LDLRAP1: variants seen among roughly 807,000 people sequenced by gnomAD.
LDLRAP1 encodes the protein low density lipoprotein receptor adaptor protein 1, also known as low density lipoprotein receptor adapter protein 1.
A neutral mutation model predicts 37.8 loss-of-function variants in LDLRAP1; 30 were observed. That is an observed-to-expected ratio of 0.79 (90% CI 0.59 to 1.08). LDLRAP1 has a LOEUF of 1.08. Ranked by LOEUF, LDLRAP1 falls within the 50% of genes least tolerant of loss-of-function variation. The pLI is 0.00. For missense variants in LDLRAP1, 375 were observed against 401.6 expected, an observed-to-expected ratio of 0.93 and a Z score of 0.57; for synonymous variants, 156 against 169.8, an observed-to-expected ratio of 0.92 and a Z score of 0.63.
intron 4 of LDLRAP1, among the ~76,000 whole-genome samples, chr1:25,560,835 C>T (rs1291664816): frequency 2.0e-5 from 3 of 152,228 alleles, no homozygotes; most frequent in African/African-American, 7.2e-5. Context: ...GGGCATCCCG[C>T]CTGGGCAGGC....
chr1:25,568,359 A>C lies in LDLRAP1; in HGVS notation c.*1367A>C, dbSNP rs2044539023. 6.6e-6 allele frequency: 1 copy of C among 152,358 alleles called. No individual in the cohort carries two copies. The highest frequency in any genetic ancestry group is 2.4e-5 in the African/African-American group (1 of 41,454). 9.4% of individuals were successfully genotyped at this position (152,358 alleles called of 1,614,324 possible). A position where few individuals can be genotyped will look rare whatever the true frequency, so the allele number is the denominator to read the frequency against. On this transcript the variant is annotated 3_prime_UTR_variant, in exon 9 of 9. Coordinates refer to ENST00000374338, the MANE Select transcript of LDLRAP1 (RefSeq NM_015627.3). ...AGACCAGCAGCAATCTGTCTTTAGA[A>C]TCGCTTTCCTTCCTCCCCTTTTGCC...
the LDLRAP1 span, among the ~76,000 whole-genome samples, chr1:25,580,376 A>G: frequency 6.6e-6 from 1 of 152,198 alleles, no homozygotes; most frequent in Non-Finnish European, 1.5e-5. Flanking sequence ...TGTCTCTAAA[A>G]CAAAAAAATT....
At chr1:25,545,723 C>T (rs1572018371) in intron 1 of LDLRAP1, among the ~76,000 whole-genome samples, 1 of 152,174 alleles carries the variant, frequency 6.6e-6, no homozygotes, top group African/African-American at 2.4e-5. Context: ...ACCTGTCCCT[C>T]GTGATGAAGT....
chr1:25,589,304 AAAAGAAAG>A, the LDLRAP1 span, among the ~76,000 whole-genome samples: 763 of 149,044 alleles, frequency 5.1e-3, 9 homozygotes, highest in African/African-American at 0.018. Context: ...ACTCCATCTC[AAAAGAAAG>A]AAAGAAAGAA....
At chr1:25,586,066 C>T in the LDLRAP1 span, among the ~76,000 whole-genome samples, 2 of 152,188 alleles carry the variant, frequency 1.3e-5, no homozygotes, top group Non-Finnish European at 2.9e-5. This position sits in a 1 kb window ranked among gnomAD's most constrained non-coding sequence, Gnocchi z 4.3. Context: ...CAGCACCAAG[C>T]CCAGGGCTGT....
At chr1:25,576,738 C>T in the LDLRAP1 span, among the ~76,000 whole-genome samples, 4 of 152,220 alleles carry the variant, frequency 2.6e-5, no homozygotes, top group African/African-American at 9.6e-5. Flanking sequence ...ACACCATCCA[C>T]TTTATCTTTC....
intron 4 of LDLRAP1, chr1:25,557,495 C>T (rs1253165096): frequency 1.4e-5 from 8 of 585,904 alleles, no homozygotes; most frequent in African/African-American, 1.1e-4. Context: ...AGTAGCTGGC[C>T]CATGTCCCCA....
chr1:25,567,120 C>A lies in LDLRAP1; in HGVS notation c.*128C>A. On this transcript the variant is annotated 3_prime_UTR_variant, in exon 9 of 9. Coordinates refer to ENST00000374338, the MANE Select transcript of LDLRAP1 (RefSeq NM_015627.3). ...CCCTCAGCATTGTCAGCCTGAAGATCAGAGCTGCAGCCAGTCAGGCAGGGG... is the reference window on the plus strand; with the variant it reads ...CCCTCAGCATTGTCAGCCTGAAGATAAGAGCTGCAGCCAGTCAGGCAGGGG... The A allele has an allele frequency of 8.5e-7, 1 of 1,176,230 alleles. No homozygotes were observed. Among genetic ancestry groups the A allele is most frequent in the Non-Finnish European group, 1.2e-6 (1 of 811,580 alleles). 72.9% of individuals were successfully genotyped at this position (1,176,230 alleles called of 1,614,324 possible).
chr1:25,553,517 T>A (rs1411585235), intron 1 of LDLRAP1: 1 of 239,324 alleles, frequency 4.2e-6, no homozygotes, highest in Non-Finnish European at 8.4e-6. Context: ...GCTGCTTACA[T>A]GGAGCCTTGG....
chr1:25,560,012 C>T (rs928526314), intron 4 of LDLRAP1, among the ~76,000 whole-genome samples: 2 of 151,340 alleles, frequency 1.3e-5, no homozygotes, highest in Non-Finnish European at 2.9e-5. Context: ...GAGACAGACA[C>T]CTTGAATGGG....
chr1:25,569,955 C>T (rs1158932824), downstream of LDLRAP1, among the ~76,000 whole-genome samples: 12 of 152,330 alleles, frequency 7.9e-5, no homozygotes, highest in Middle Eastern at 3.4e-3. Context: ...TTGACCTGTG[C>T]GGTGACCCTC....
the LDLRAP1 span, among the ~76,000 whole-genome samples, chr1:25,576,970 AAG>A: frequency 6.6e-6 from 1 of 152,132 alleles, no homozygotes; most frequent in African/African-American, 2.4e-5. Context: ...TGCTGTCTCT[AAG>A]AGCAGAGGAG....
At chr1:25,570,501 T>A (rs899334696), downstream of LDLRAP1, among the ~76,000 whole-genome samples, 1 of 152,160 alleles carries the variant, frequency 6.6e-6, no homozygotes, top group Non-Finnish European at 1.5e-5. Flanking sequence ...GGGGGCTGGC[T>A]TGGGGCCTGG....
chr1:25,590,311 G>A, the LDLRAP1 span: 1 of 152,338 alleles, frequency 6.6e-6, no homozygotes, highest in East Asian at 1.9e-4. Flanking sequence ...GTCCAGCAGA[G>A]CCAGCTCTGC....
chr1:25,589,304 A>AAGAAAGAAAG, the LDLRAP1 span, among the ~76,000 whole-genome samples: 12 of 148,930 alleles, frequency 8.1e-5, no homozygotes, highest in African/African-American at 2.8e-4. Context: ...ACTCCATCTC[A>AAGAAAGAAAG]AAAGAAAGAA....
Position 25,552,186 on chromosome 1 carries a change from C to G in LDLRAP1, c.89-1736C>G, listed in dbSNP as rs548721321. 8.5e-5 allele frequency among the ~76,000 whole-genome samples: 13 copies of G among 152,296 alleles called. No homozygotes were observed. The East Asian group carries it at 2.3e-3, about 27-fold the overall frequency. On this transcript the variant is annotated intron_variant, in intron 1 of 8. Transcript: ENST00000374338. ...CAGGGATCCAGACTGGGTAGGGGAC[C>G]TGGTGATGCCACCTGGACCCAGACT...
intron 5 of LDLRAP1, 154 bp downstream of exon 5, chr1:25,562,870 T>C: frequency 1.2e-6 from 1 of 824,136 alleles, no homozygotes; most frequent in Non-Finnish European, 2.1e-6. Context: ...GGTTTTCCCA[T>C]CTGAAAAATG....
intron 1 of LDLRAP1, among the ~76,000 whole-genome samples, chr1:25,547,489 TAAATA>T (rs2043963573): frequency 7.6e-6 from 1 of 132,420 alleles, no homozygotes; most frequent in Non-Finnish European, 1.6e-5. Flanking sequence ...TCTCAAATAA[TAAATA>T]AATAAATAAA....
downstream of LDLRAP1, among the ~76,000 whole-genome samples, chr1:25,569,344 G>A (rs900555280): frequency 1.3e-5 from 2 of 152,172 alleles, no homozygotes; most frequent in Non-Finnish European, 2.9e-5. Flanking sequence ...TCAGTACTGG[G>A]GACAGGGGTC....
Sources: allele counts gnomAD v4.1 joint callset (sites outside exome capture counted in the v4.1 genomes callset), GRCh38; gene constraint gnomAD v4.1.1; non-coding constraint Gnocchi (gnomAD v3.1); transcripts MANE v1.5; gene names NCBI Gene and HGNC (gene_info 2026-07-23, HGNC 2026-07-21).